Variants in PARD3B observed in about 807,000 individuals in gnomAD.
The protein encoded by PARD3B is par-3 family cell polarity regulator beta.
A neutral mutation model predicts 130.2 loss-of-function variants in PARD3B; 103 were observed. The ratio of observed to expected loss-of-function variants is 0.79; its 90% CI spans 0.67 to 0.93. PARD3B has a LOEUF of 0.93. Ranked by LOEUF, PARD3B falls within the 40% of genes least tolerant of loss-of-function variation. The probability of loss-of-function intolerance (pLI) is 0.00; values close to 1 mark genes in which losing one functional copy is unlikely to be tolerated. For missense variants in PARD3B, 1,609 were observed against 1,499.2 expected (o/e 1.07, Z -1.21); for synonymous variants, 583 against 553.2 (o/e 1.05, Z -0.76).
At chr2:204,644,055 T>G (rs1240664544) in intron 1 of PARD3B, among the ~76,000 whole-genome samples, 1 of 152,186 alleles carries the variant, frequency 6.6e-6, no homozygotes, top group Non-Finnish European at 1.5e-5. Flanking sequence ...TATTTATTCG[T>G]TCTCTGAAGG....
rs1417794562 is a variant in PARD3B, at chr2:204,998,342, ATATATATATATATATATGTG to A, written c.394+33021_394+33040del. On this transcript the variant is annotated intron_variant, in intron 3 of 22. Coordinates refer to ENST00000406610, the MANE Select transcript of PARD3B (RefSeq NM_001302769.2). ...TATATATATATATATATATATATAT[ATATATATATATATATATGTG>A]TGTGTGTGTGTGTATATATGTGTGT... 1.4e-3 allele frequency among the ~76,000 whole-genome samples: 113 copies of A among 82,908 alleles called. 5 individuals are homozygous for A. Among genetic ancestry groups the A allele is most frequent in the Admixed American group, 5.8e-3 (38 of 6,606 alleles). The allele number at this position is 82,908 out of a possible 152,430, so 54.4% of individuals were successfully genotyped here. A position where few individuals can be genotyped will look rare whatever the true frequency, so the allele number is the denominator to read the frequency against.
rs996466024 is a variant in PARD3B at position 205,421,239 on chromosome 2, GTTTTAGAC to G, written c.2742-19129_2742-19122del. Among the ~76,000 whole-genome samples, 12 of 152,174 alleles carry G rather than the reference GTTTTAGAC, an allele frequency of 7.9e-5. No individual in the cohort carries two copies. Among genetic ancestry groups the G allele is most frequent in the African/African-American group, 2.9e-4 (12 of 41,442 alleles). ...AGGAAAGAAAGGCCTAACATCATCT[GTTTTAGAC>G]TCACTATTCTCCTCTAGGTGGCCAT... On this transcript the variant is annotated intron_variant, in intron 19 of 22. Transcript: ENST00000406610. This position sits in a 1 kb window ranked among gnomAD's most constrained non-coding sequence, Gnocchi z 5.1.
At chr2:204,998,312 G>GTA (rs771546892) in intron 3 of PARD3B, among the ~76,000 whole-genome samples, 86 of 51,900 alleles carry the variant, frequency 1.7e-3, no homozygotes, top group African/African-American at 2.4e-3. Flanking sequence ...AGAACTTAAA[G>GTA]TATATATATA....
chr2:205,267,177 G>T (rs1378327791), intron 16 of PARD3B, among the ~76,000 whole-genome samples: 1 of 152,032 alleles, frequency 6.6e-6, no homozygotes, highest in African/African-American at 2.4e-5. Flanking sequence ...TTCTTTTACA[G>T]TCCCCATGCT....
At chr2:205,326,097 T>A (rs2042931043) in intron 18 of PARD3B, among the ~76,000 whole-genome samples, 1 of 152,218 alleles carries the variant, frequency 6.6e-6, no homozygotes, top group Non-Finnish European at 1.5e-5. Context: ...GTTTACTAAC[T>A]CTGAGAGGAT....
At chr2:205,197,179 C>A (rs1167720140) in intron 15 of PARD3B, among the ~76,000 whole-genome samples, 2 of 151,698 alleles carry the variant, frequency 1.3e-5, no homozygotes, top group East Asian at 3.9e-4. Context: ...TTCCTAACTT[C>A]CTAAAAGTTT....
At chr2:204,797,787 A>T (rs903567232) in intron 2 of PARD3B, among the ~76,000 whole-genome samples, 9 of 152,030 alleles carry the variant, frequency 5.9e-5, no homozygotes. Flanking sequence ...CTTTTTTTGG[A>T]AGAATGTCAT....
Position 205,235,624 on chromosome 2 carries a change from C to T in PARD3B, c.2141-10154C>T, listed in dbSNP as rs184147055. On this transcript the variant is annotated intron_variant, in intron 15 of 22. Coordinates refer to ENST00000406610, the MANE Select transcript of PARD3B (RefSeq NM_001302769.2). ...CTAATACACAGGTACATATACAGTG[C>T]GGCTACTGTGCACAAAGGGGATGAT... 7.7e-4 allele frequency among the ~76,000 whole-genome samples: 117 copies of T among 152,164 alleles called. 1 individual carries two copies. The highest frequency in any genetic ancestry group is 1.8e-3 in the Admixed American group (27 of 15,294).
In PARD3B at chr2:205,616,442, C is replaced by T. The variant is rs2055439944; in HGVS notation, c.*629C>T. On this transcript the variant is annotated 3_prime_UTR_variant, in exon 23 of 23. Transcript: ENST00000406610. ...GTAGAATTTATCAGGTTTCTGATAC[C>T]ACTCATTGGATGTAAACATTTCATG... 6.6e-6 allele frequency: 1 copy of T among 152,070 alleles called. No individual in the cohort carries two copies. The highest frequency in any genetic ancestry group is 2.1e-4 in the South Asian group (1 of 4,792). The allele number at this position is 152,070 out of a possible 1,614,324, so 9.4% of individuals were successfully genotyped here.
chr2:204,808,478 C>A (rs1575036513), intron 2 of PARD3B, among the ~76,000 whole-genome samples: 1 of 151,916 alleles, frequency 6.6e-6, no homozygotes, highest in Admixed American at 6.6e-5. Context: ...TTTTCTGATC[C>A]TCTCCCTCCT....
At chr2:205,149,129 T>G (rs1339355513) in intron 10 of PARD3B, among the ~76,000 whole-genome samples, 1 of 152,160 alleles carries the variant, frequency 6.6e-6, no homozygotes, top group Non-Finnish European at 1.5e-5. Context: ...AGTATGGATG[T>G]CTCCCCAGTC....
chr2:204,669,982 A>G lies in PARD3B; in HGVS notation c.121-16199A>G, dbSNP rs1305765510. Among the ~76,000 whole-genome samples, 1 of 152,194 alleles carries G rather than the reference A, an allele frequency of 6.6e-6. No homozygotes were observed. The highest frequency in any genetic ancestry group is 1.5e-5 in the Non-Finnish European group (1 of 68,024). ...CTCTAAATTCACTAAGTTCCCATGA[A>G]TGATTTCAGAAAGTCAAAAGATGAT... On this transcript the variant is annotated intron_variant, in intron 1 of 22. Transcript: ENST00000406610. This position sits in a 1 kb window ranked among gnomAD's most constrained non-coding sequence, Gnocchi z 4.3.
chr2:205,113,729 G>A lies in PARD3B; in HGVS notation c.680+152G>A. On this transcript the variant is annotated intron_variant, in intron 6 of 22. Transcript: ENST00000406610. The stretch of plus-strand genomic sequence containing the variant: ...TACTTCTGTTGGCCACTTAAGTGTT[G>A]GAAACAAAATAAAATAATTGACTTT... 5 of 514,234 alleles carry A rather than the reference G, an allele frequency of 9.7e-6. No individual in the cohort carries two copies. In the South Asian group the frequency reaches 1.1e-4, roughly 11 times the overall value. The allele number at this position is 514,234 out of a possible 1,614,324, so 31.9% of individuals were successfully genotyped here.
intron 18 of PARD3B, among the ~76,000 whole-genome samples, chr2:205,367,702 A>C (rs2044661344): frequency 6.6e-6 from 1 of 152,194 alleles, no homozygotes; most frequent in South Asian, 2.1e-4. Flanking sequence ...CTAATCTCAT[A>C]ATCACCAGTG....
intron 2 of PARD3B, among the ~76,000 whole-genome samples, chr2:204,859,964 A>G (rs563639128): frequency 7.0e-4 from 106 of 152,326 alleles, no homozygotes; most frequent in African/African-American, 2.3e-3. Flanking sequence ...AGTGCAGTGC[A>G]GCATAAAGTT....
chr2:205,093,645 T>C lies in PARD3B; in HGVS notation c.505-10781T>C, dbSNP rs114092840. 3.0e-3 allele frequency among the ~76,000 whole-genome samples: 454 copies of C among 152,242 alleles called. 3 individuals are homozygous for C. Among genetic ancestry groups the C allele is most frequent in the African/African-American group, 0.01 (435 of 41,546 alleles). The stretch of plus-strand genomic sequence containing the variant: ...ACTGTTCTAAGCTTTGGGAATATAT[T>C]TGTGAACACAACAGATAAAAACCAC... On this transcript the variant is annotated intron_variant, in intron 4 of 22. Transcript: ENST00000406610.
At chr2:205,134,029 T>A (rs967761959) in intron 10 of PARD3B, among the ~76,000 whole-genome samples, 3 of 152,168 alleles carry the variant, frequency 2.0e-5, no homozygotes, top group Non-Finnish European at 4.4e-5. Flanking sequence ...TAAGATATGT[T>A]CCATTGACCC....
intron 3 of PARD3B, among the ~76,000 whole-genome samples, chr2:204,998,166 G>C (rs1437958954): frequency 2.7e-5 from 4 of 149,146 alleles, no homozygotes; most frequent in African/African-American, 4.9e-5. Context: ...ACCAGGGCCT[G>C]TCATGGGGTG....
In PARD3B at chr2:205,281,883, A is replaced by T. The variant is rs2041203804; in HGVS notation, c.2186-18647A>T. Among the ~76,000 whole-genome samples the T allele has an allele frequency of 6.6e-6, 1 of 152,246 alleles. No individual in the cohort carries two copies. Among genetic ancestry groups the T allele is most frequent in the African/African-American group, 2.4e-5 (1 of 41,468 alleles). Reference sequence around the variant, plus strand: ...AGATGAGAATGCCTTGTAGTTGAAGAGGAAGACAAAAAGAAACTAATTCTA... The same window carrying T: ...AGATGAGAATGCCTTGTAGTTGAAGTGGAAGACAAAAAGAAACTAATTCTA... On this transcript the variant is annotated intron_variant, in intron 16 of 22. Transcript: ENST00000406610. This position sits in a 1 kb window ranked among gnomAD's most constrained non-coding sequence, Gnocchi z 4.2.
Sources: gnomAD v4.1 joint callset for allele counts (sites outside exome capture counted in the v4.1 genomes callset) on GRCh38, gnomAD v4.1.1 for gene constraint, Gnocchi (gnomAD v3.1) non-coding constraint, MANE v1.5 for transcripts, NCBI Gene and HGNC (gene_info 2026-07-23, HGNC 2026-07-21) for gene names.